DPY19L1: variants seen among roughly 807,000 people sequenced by gnomAD.
DPY19L1 encodes protein C-mannosyl-transferase DPY19L1.
DPY19L1 carries 35 observed loss-of-function variants against 96.9 expected under a neutral mutation model. That is an observed-to-expected ratio of 0.36 (90% confidence interval 0.28 to 0.48). The LOEUF (loss-of-function observed/expected upper bound fraction) is 0.48, where lower values mean the gene tolerates loss of function less well. Among genes scored for constraint, DPY19L1 ranks in the 20% least tolerant of loss-of-function variants. The probability of loss-of-function intolerance (pLI) is 0.99; values close to 1 mark genes in which losing one functional copy is unlikely to be tolerated. For synonymous variants in DPY19L1, 205 were observed against 252.6 expected (o/e 0.81, Z 1.79); for missense variants, 521 against 777.9 (o/e 0.67, Z 3.93).
rs149550511 is a variant in DPY19L1, at chr7:34,937,927, T to C, written c.2090+67A>G. The C allele has an allele frequency of 6.5e-6, 10 of 1,533,252 alleles. No homozygotes were observed. The East Asian group carries it at 1.6e-4, about 24-fold the overall frequency. 95.0% of individuals were successfully genotyped at this position (1,533,252 alleles called of 1,614,324 possible). The stretch of plus-strand genomic sequence containing the variant: ...ACACACCCCCGCCACCAGCAAAGCA[T>C]GTGCCATGTGCTTGAATTAACCTTC... On this transcript the variant is annotated intron_variant, in intron 21 of 21. Transcript: ENST00000638088.
At chr7:35,034,997 G>A (rs994515901) in intron 1 of DPY19L1, among the ~76,000 whole-genome samples, 1 of 152,204 alleles carries the variant, frequency 6.6e-6, no homozygotes, top group Non-Finnish European at 1.5e-5. Context: ...CTCTCTGCAG[G>A]ATCTGAGTGG....
At chr7:34,977,231 T>A (rs545963722) in intron 7 of DPY19L1, among the ~76,000 whole-genome samples, 1 of 152,306 alleles carries the variant, frequency 6.6e-6, no homozygotes, top group South Asian at 2.1e-4. Flanking sequence ...ATCTCTGAAG[T>A]ATGCCTGTAT....
chr7:34,994,936 C>T (rs977043190), intron 6 of DPY19L1, among the ~76,000 whole-genome samples: 1 of 152,118 alleles, frequency 6.6e-6, no homozygotes, highest in Non-Finnish European at 1.5e-5. Context: ...GGCAGAGCCA[C>T]GGTGACAACA....
intron 13 of DPY19L1, among the ~76,000 whole-genome samples, chr7:34,953,678 C>T (rs972350458): frequency 6.6e-6 from 1 of 151,038 alleles, no homozygotes; most frequent in Non-Finnish European, 1.5e-5. Flanking sequence ...CTCTAGCATA[C>T]TTTCCACTGT....
intron 18 of DPY19L1, among the ~76,000 whole-genome samples, chr7:34,940,561 A>C (rs904336394): frequency 6.6e-6 from 1 of 151,950 alleles, no homozygotes; most frequent in African/African-American, 2.4e-5. Flanking sequence ...TGCTTTCACT[A>C]CTCCCAGATT....
intron 13 of DPY19L1, 170 bp downstream of exon 13, chr7:34,954,528 C>T (rs1386307501): frequency 6.8e-5 from 27 of 397,312 alleles, no homozygotes; most frequent in Middle Eastern, 1.4e-3. Flanking sequence ...TTTTGGAGAA[C>T]GAAAATCTAT....
chr7:35,037,104 G>T lies in DPY19L1; in HGVS notation c.291C>A (p.Leu97=). The part of the protein sequence containing the change: ...RAGRGRTWTT[L]LLAVFAAVLH... ...GGCGCTAGGGCTGCTCACCTAACAG[G>T]AGCGTGGTCCAGGTCCGGCCGCGCC... Residue 97 remains leucine (L), a synonymous_variant, in exon 1 of 22, where the codon CTC becomes CTA. Transcript: ENST00000638088. 2 of 206,516 alleles carry T rather than the reference G, an allele frequency of 9.7e-6. No individual in the cohort carries two copies. Among genetic ancestry groups the T allele is most frequent in the South Asian group, 3.6e-4 (2 of 5,610 alleles). The allele number at this position is 206,516 out of a possible 1,614,324, so 12.8% of individuals were successfully genotyped here. A position where few individuals can be genotyped will look rare whatever the true frequency, so the allele number is the denominator to read the frequency against.
chr7:34,981,441 G>A (rs952193935), intron 7 of DPY19L1, among the ~76,000 whole-genome samples: 1 of 152,092 alleles, frequency 6.6e-6, no homozygotes, highest in Non-Finnish European at 1.5e-5. Context: ...ATGTTATGGG[G>A]GAAGAGGATA....
intron 7 of DPY19L1, 27 bp downstream of exon 7, chr7:34,989,857 T>C: frequency 6.4e-7 from 1 of 1,558,296 alleles, no homozygotes. Context: ...CCAGAAGTAA[T>C]TCTGAGAATA....
At chr7:34,932,855 C>T (rs1783784789) in intron 21 of DPY19L1, among the ~76,000 whole-genome samples, 1 of 152,116 alleles carries the variant, frequency 6.6e-6, no homozygotes, top group Admixed American at 6.5e-5. Context: ...GTCATAATTG[C>T]ATCCCTTTTT....
At chr7:34,990,593 A>G (rs1467035643) in intron 6 of DPY19L1, among the ~76,000 whole-genome samples, 1 of 152,270 alleles carries the variant, frequency 6.6e-6, no homozygotes, top group African/African-American at 2.4e-5. Context: ...AATCAGGCTT[A>G]TAACTCTAGG....
intron 1 of DPY19L1, among the ~76,000 whole-genome samples, chr7:35,034,970 A>C (rs1180027879): frequency 6.6e-6 from 1 of 152,210 alleles, no homozygotes; most frequent in East Asian, 1.9e-4. Flanking sequence ...GCTTTCAAAA[A>C]TGTCTAAACT....
intron 7 of DPY19L1, among the ~76,000 whole-genome samples, chr7:34,978,597 G>C (rs1784876881): frequency 6.6e-6 from 1 of 152,080 alleles, no homozygotes; most frequent in Non-Finnish European, 1.5e-5. Context: ...TTAGTTTGGA[G>C]TAAGCTTTGT....
At chr7:34,937,636 C>G (rs2128780588) in intron 21 of DPY19L1, among the ~76,000 whole-genome samples, 1 of 152,154 alleles carries the variant, frequency 6.6e-6, no homozygotes, top group Admixed American at 6.5e-5. Flanking sequence ...AAATCATTAT[C>G]TAAAAAGTTT....
At chr7:34,959,925 T>TAAATATATATA (rs1562806987) in intron 10 of DPY19L1, among the ~76,000 whole-genome samples, 1 of 127,950 alleles carries the variant, frequency 7.8e-6, no homozygotes, top group African/African-American at 2.8e-5. Flanking sequence ...ATATATATAT[T>TAAATATATATA]TATATATATA....
chr7:34,929,990 T>C lies in DPY19L1; in HGVS notation c.*1583A>G. 1 of 152,366 alleles carries C rather than the reference T, an allele frequency of 6.6e-6. No homozygotes were observed. Among genetic ancestry groups the C allele is most frequent in the Non-Finnish European group, 1.5e-5 (1 of 68,086 alleles). The allele number at this position is 152,366 out of a possible 1,614,324, so 9.4% of individuals were successfully genotyped here. ...TTCTCTGAGGGCACACTCCTCAGCC[T>C]TTGCAGCTGACTTATGTCAGCAAGC... On this transcript the variant is annotated 3_prime_UTR_variant, in exon 22 of 22. Transcript: ENST00000638088.
At chr7:34,942,801 G>A (rs982648462) in intron 16 of DPY19L1, among the ~76,000 whole-genome samples, 162 bp from the exon 17 acceptor site, 6 of 152,128 alleles carry the variant, frequency 3.9e-5, no homozygotes, top group African/African-American at 1.4e-4. Context: ...GCCAAAACTG[G>A]TGCTATACTA....
intron 1 of DPY19L1, among the ~76,000 whole-genome samples, chr7:35,033,636 G>T (rs1211589486): frequency 6.6e-6 from 1 of 152,158 alleles, no homozygotes; most frequent in Admixed American, 6.5e-5. Context: ...ATGCAGGCCA[G>T]TGTTGATATG....
At chr7:34,985,848 T>C (rs753566767) in intron 7 of DPY19L1, among the ~76,000 whole-genome samples, 2 of 152,026 alleles carry the variant, frequency 1.3e-5, no homozygotes, top group Non-Finnish European at 2.9e-5. Context: ...ATCAGAGATA[T>C]CTGCACTCCC....
Sources: gnomAD v4.1 joint callset for allele counts (sites outside exome capture counted in the v4.1 genomes callset) on GRCh38, gnomAD v4.1.1 for gene constraint, MANE v1.5 for transcripts, NCBI Gene and HGNC (gene_info 2026-07-23, HGNC 2026-07-21) for gene names.